Variants in ZNF615 observed in about 807,000 individuals in gnomAD.
The protein encoded by ZNF615 is zinc finger protein 615.
Under a neutral mutation model 15.3 loss-of-function variants are expected in ZNF615, and 15 were observed. The ratio of observed to expected loss-of-function variants is 0.98; its 90% confidence interval spans 0.66 to 1.51. The LOEUF (loss-of-function observed/expected upper bound fraction) is 1.51, where lower values mean the gene tolerates loss of function less well. Ranked by LOEUF, ZNF615 falls within the 40% of genes most tolerant of loss-of-function variation. The pLI is 0.00. For synonymous variants in ZNF615, 268 were observed against 294.6 expected (o/e 0.91, Z 0.92); for missense variants, 848 against 895.9 (o/e 0.95, Z 0.68).
chr19:51,997,355 G>C (rs2086469264), intron 6 of ZNF615, among the ~76,000 whole-genome samples: 1 of 152,138 alleles, frequency 6.6e-6, no homozygotes, highest in African/African-American at 2.4e-5. Flanking sequence ...CTCAGCATTT[G>C]ATTTAAAGTG....
chr19:52,000,235 G>T (rs2086552161), intron 6 of ZNF615, 111 bp downstream of exon 6: 1 of 473,538 alleles, frequency 2.1e-6, no homozygotes, highest in Non-Finnish European at 3.8e-6. Context: ...GAAGAAGGGA[G>T]GAAGGCAAGG....
In ZNF615 at chr19:52,007,970, C is replaced by T. The variant is rs2086803153; in HGVS notation, c.-228+171G>A. ...ACCCTATCACGGACCTCTTGTAGTT[C>T]CCCTGCGATAGGAATCGGACCCACG... On this transcript the variant is annotated intron_variant, in intron 1 of 6. Coordinates refer to ENST00000598071, the MANE Select transcript of ZNF615 (RefSeq NM_001199324.2). 10 of 624,214 alleles carry T rather than the reference C, an allele frequency of 1.6e-5. No homozygotes were observed. The South Asian group carries it at 1.9e-4, about 12-fold the overall frequency. The allele number at this position is 624,214 out of a possible 1,614,324, so 38.7% of individuals were successfully genotyped here.
At chr19:52,007,259 T>G in intron 2 of ZNF615, 34 bp downstream of exon 2, 1 of 1,262,552 alleles carries the variant, frequency 7.9e-7, no homozygotes, top group Non-Finnish European at 1.0e-6. Flanking sequence ...TTCTGAAAAT[T>G]TGACAAAGGT....
At chr19:52,004,168 AGCAGC>A (rs1321459439) in intron 2 of ZNF615, among the ~76,000 whole-genome samples, 1 of 152,230 alleles carries the variant, frequency 6.6e-6, no homozygotes, top group Admixed American at 6.5e-5. Context: ...CGTGATGCCC[AGCAGC>A]TGGGCAATCC....
At chr19:52,004,261 C>T (rs958050045) in intron 2 of ZNF615, among the ~76,000 whole-genome samples, 4 of 152,108 alleles carry the variant, frequency 2.6e-5, no homozygotes, top group African/African-American at 9.7e-5. Flanking sequence ...CCATGTGTAC[C>T]CATCTACCTT....
chr19:51,998,960 C>T (rs2086518403), intron 6 of ZNF615, among the ~76,000 whole-genome samples: 1 of 152,094 alleles, frequency 6.6e-6, no homozygotes, highest in South Asian at 2.1e-4. Context: ...CAGCCCAAAA[C>T]ACAAGTTTTA....
chr19:51,998,293 A>G (rs966807999), intron 6 of ZNF615, among the ~76,000 whole-genome samples: 1 of 152,130 alleles, frequency 6.6e-6, no homozygotes, highest in African/African-American at 2.4e-5. Flanking sequence ...CAAGCTTCCT[A>G]GAAGTTCCTC....
At chr19:52,001,616 C>CA (rs200193378) in intron 5 of ZNF615, among the ~76,000 whole-genome samples, 197 bp downstream of exon 5, 170 of 105,176 alleles carry the variant, frequency 1.6e-3, no homozygotes, top group Middle Eastern at 6.0e-3. Context: ...GACTCCATCT[C>CA]AAAAAAAAAA....
At chr19:52,001,675 A>C (rs2086598086) in intron 5 of ZNF615, 138 bp downstream of exon 5, 1 of 662,114 alleles carries the variant, frequency 1.5e-6, no homozygotes. Context: ...TATAACAAAA[A>C]AGAGCTCTTC....
Position 51,993,867 on chromosome 19 carries a change from A to G in ZNF615, c.1242T>C (p.Ser414=). The change falls in exon 7 of 7, where the codon AGT becomes AGC. Residue 414 remains serine (S), a synonymous_variant. Coordinates refer to ENST00000598071, the MANE Select transcript of ZNF615 (RefSeq NM_001199324.2). ...THTGEKLYTC[S]ECGKGFSMKH... ...TCATTGAAAAGCCTTTTCCACATTC[A>G]CTACATGTATATAATTTCTCTCCTG... 6.2e-7 allele frequency: 1 copy of G among 1,614,010 alleles called. No individual in the cohort carries two copies. The highest frequency in any genetic ancestry group is 8.5e-7 in the Non-Finnish European group (1 of 1,179,990).
At chr19:52,006,693 T>C (rs1014027699) in intron 2 of ZNF615, among the ~76,000 whole-genome samples, 6 of 152,174 alleles carry the variant, frequency 3.9e-5, no homozygotes, top group African/African-American at 1.2e-4. Flanking sequence ...AATGGATGAA[T>C]ACTTAGAAAA....
At chr19:51,996,743 T>C (rs554434596) in intron 6 of ZNF615, among the ~76,000 whole-genome samples, 3 of 152,278 alleles carry the variant, frequency 2.0e-5, no homozygotes, top group Non-Finnish European at 4.4e-5. Context: ...CATGTAGAGT[T>C]TGGGAATTCG....
rs930282544 is a variant in ZNF615, at chr19:51,993,117, T to C, written c.1992A>G (p.Ala664=). Residue 664 remains alanine, a synonymous_variant, in exon 7 of 7, where the codon GCA becomes GCG. Transcript: ENST00000598071. ...AAGAGAATTTTCCACATTCAGTACA[T>C]GCAAAGGAAGTCTTTCCTGTGTGAA... is the stretch of plus-strand genomic sequence containing the variant. The part of the protein sequence containing the change: ...QRFHTGKTSF[A]CTECGKFSLR... 4.3e-6 allele frequency: 7 copies of C among 1,614,120 alleles called. No individual in the cohort carries two copies. The highest frequency in any genetic ancestry group is 3.3e-5 in the Admixed American group (2 of 60,010).
chr19:52,003,872 T>C lies in ZNF615; in HGVS notation c.-161A>G. 6.9e-7 allele frequency: 1 copy of C among 1,451,318 alleles called. No individual in the cohort carries two copies. Among genetic ancestry groups the C allele is most frequent in the Admixed American group, 2.6e-5 (1 of 37,968 alleles). 89.9% of individuals were successfully genotyped at this position (1,451,318 alleles called of 1,614,324 possible). On this transcript the variant is annotated 5_prime_UTR_variant, in exon 3 of 7. Transcript: ENST00000598071. ...GGAAACTCCGCCTCCTTCCTTCACT[T>C]GATTTCTCTTGTTCTCAGCACCTGT...
At position 52,001,815 on chromosome 19, in the gene ZNF615, G is replaced by A. The variant is rs773138996; in HGVS notation, c.236C>T (p.Ser79Phe). Residue 79 changes from serine to phenylalanine, a missense_variant and splice_region_variant, in exon 5 of 7, where the codon TCT becomes TTT. Transcript: ENST00000598071. Reference sequence around the variant, plus strand: ...ACCTGGCTGCTCCTCTCACTCACCAGAACAGATTCGAGAGTAGATTTCATC... The same window carrying A: ...ACCTGGCTGCTCCTCTCACTCACCAAAACAGATTCGAGAGTAGATTTCATC... ...TEDEIYSRIC[S>F]DSGGASGGAY... 1.8e-5 allele frequency: 29 copies of A among 1,613,694 alleles called. No homozygotes were observed. The highest frequency in any genetic ancestry group is 2.4e-5 in the Non-Finnish European group (28 of 1,179,764).
chr19:52,002,500 C>T (rs1246906754), intron 3 of ZNF615: 3 of 653,388 alleles, frequency 4.6e-6, no homozygotes, highest in Non-Finnish European at 8.3e-6. Context: ...GTCTGTAATA[C>T]ACAGCTATCC....
rs760455254 is a variant in ZNF615, at chr19:51,994,140, T to C, written c.969A>G (p.Gly323=). ...ATACACTGCATCCATGGGGTTTCTC[T>C]CCTGTATGAGTTCGTTGATGATAAA... is the stretch of plus-strand genomic sequence containing the variant. ...RLIYHQRTHT[G]EKPHGCSVCG... is the part of the protein sequence containing the mutation. The change falls in exon 7 of 7, where the codon GGA becomes GGG. Residue 323 remains glycine (G), a synonymous_variant. Coordinates refer to ENST00000598071, the MANE Select transcript of ZNF615 (RefSeq NM_001199324.2). 4.3e-6 allele frequency: 7 copies of C among 1,614,074 alleles called. No individual in the cohort carries two copies. The highest frequency in any genetic ancestry group is 5.9e-6 in the Non-Finnish European group (7 of 1,180,020).
At chr19:52,004,487 G>A (rs2086692217) in intron 2 of ZNF615, 1 of 151,940 alleles carries the variant, frequency 6.6e-6, no homozygotes. Flanking sequence ...TCCATCTCCT[G>A]GGTTCAAGCG....
chr19:51,994,217 G>T lies in ZNF615; in HGVS notation c.892C>A (p.Pro298Thr), dbSNP rs746888652. The T allele has an allele frequency of 8.7e-6, 14 of 1,613,958 alleles. No individual in the cohort carries two copies. Residue 298 changes from proline to threonine, a missense_variant, in exon 7 of 7, where the codon CCT (proline) becomes ACT (threonine). Pro to Thr is a conservative substitution (Grantham distance 38). Transcript: ENST00000598071. ...IHQKTHMGGK[P>T]YTCSQCGKAF... Reference sequence around the variant, plus strand: ...TTCCCACATTGGCTACATGTGTAAGGTTTCCCTCCCATATGAGTTTTCTGA... The same window carrying T: ...TTCCCACATTGGCTACATGTGTAAGTTTTCCCTCCCATATGAGTTTTCTGA...
Sources: gnomAD v4.1 joint callset for allele counts (sites outside exome capture counted in the v4.1 genomes callset) on GRCh38, gnomAD v4.1.1 for gene constraint, MANE v1.5 for transcripts, NCBI Gene and HGNC (gene_info 2026-07-23, HGNC 2026-07-21) for gene names.